Variants in DHX33 observed in about 807,000 individuals in gnomAD.
The protein encoded by DHX33 is DEAH-box helicase 33, also known as ATP-dependent RNA helicase DHX33.
A neutral mutation model predicts 72.5 loss-of-function variants in DHX33; 42 were observed. That is an observed-to-expected ratio of 0.58 (90% CI 0.45 to 0.75). The LOEUF (loss-of-function observed/expected upper bound fraction) is 0.75. DHX33 is among the 30% of genes least tolerant of loss of function. The pLI is 0.00. For missense variants in DHX33, 842 were observed against 917.5 expected, an observed-to-expected ratio of 0.92 and a Z score of 1.06; for synonymous variants, 358 against 366.1, an observed-to-expected ratio of 0.98 and a Z score of 0.25.
At chr17:5,460,840 T>C (rs1341196883) in intron 4 of DHX33, 99 bp downstream of exon 4, 30 of 1,393,090 alleles carry the variant, frequency 2.2e-5, no homozygotes, top group Non-Finnish European at 2.8e-5. Context: ...ACTCACAAAG[T>C]TGTTTTATTC....
At position 5,460,966 on chromosome 17, in the gene DHX33, C is replaced by T. The variant is rs34034188; in HGVS notation, c.822G>A (p.Ala274=). The change falls in exon 4 of 12, where the codon GCG becomes GCA. Residue 274 remains alanine, a synonymous_variant. Coordinates refer to ENST00000225296, the MANE Select transcript of DHX33 (RefSeq NM_020162.4). ...KQPQNDYLHA[A]LVSVFQIHQE... ...GGTGGATCTGGAAGACGGAGACAAG[C>T]GCGGCGTGCAGGTAATCATTCTGAG... 1.1e-3 allele frequency: 1,842 copies of T among 1,613,518 alleles called. 16 individuals carry two copies. The African/African-American group carries it at 0.022, about 19-fold the overall frequency.
In DHX33 at chr17:5,460,113, C is replaced by G. The variant is rs140681736; in HGVS notation, c.849+826G>C. On this transcript the variant is annotated intron_variant, in intron 4 of 11. Coordinates refer to ENST00000225296, the MANE Select transcript of DHX33 (RefSeq NM_020162.4). ...CACTGCAAGCTCTGCCACCTGGGTT[C>G]GCGCCATTCTCTTGCCTCAGTCTCC... Among the ~76,000 whole-genome samples the G allele has an allele frequency of 4.0e-5, 6 of 150,230 alleles. No individual in the cohort carries two copies. The Admixed American group carries it at 4.0e-4, about 10-fold the overall frequency.
At chr17:5,463,256 A>G (rs945385913) in intron 2 of DHX33, among the ~76,000 whole-genome samples, 1 of 152,168 alleles carries the variant, frequency 6.6e-6, no homozygotes, top group African/African-American at 2.4e-5. Flanking sequence ...AGAATGATAT[A>G]TAGATAAGAG....
At chr17:5,459,830 T>C (rs957559441) in intron 4 of DHX33, among the ~76,000 whole-genome samples, 2 of 151,998 alleles carry the variant, frequency 1.3e-5, no homozygotes, top group Admixed American at 6.5e-5. Flanking sequence ...ATTTTTTTTA[T>C]AGAGACAGGG....
At chr17:5,455,444 G>C (rs1347759766) in intron 5 of DHX33, among the ~76,000 whole-genome samples, 173 bp from the exon 6 acceptor site, 1 of 152,192 alleles carries the variant, frequency 6.6e-6, no homozygotes, top group Non-Finnish European at 1.5e-5. Flanking sequence ...GGCAGGGGAA[G>C]GGGACGCTGC....
At position 5,440,953 on chromosome 17, in the gene DHX33, G is replaced by A. The variant is rs1281702581; in HGVS notation, c.*3252C>T. Reference sequence around the variant, plus strand: ...TTTTTAATGGATTTGATCGTCGGGTGCAAATTTGAGCATTATTTACAAGAG... The same window carrying A: ...TTTTTAATGGATTTGATCGTCGGGTACAAATTTGAGCATTATTTACAAGAG... On this transcript the variant is annotated 3_prime_UTR_variant, in exon 12 of 12. Transcript: ENST00000225296. 6.6e-6 allele frequency: 1 copy of A among 152,148 alleles called. No homozygotes were observed. Among genetic ancestry groups the A allele is most frequent in the Non-Finnish European group, 1.5e-5 (1 of 68,030 alleles). 9.4% of individuals were successfully genotyped at this position (152,148 alleles called of 1,614,324 possible). A position where few individuals can be genotyped will look rare whatever the true frequency, so the allele number is the denominator to read the frequency against.
chr17:5,442,763 G>A lies in DHX33; in HGVS notation c.*1442C>T, dbSNP rs1343679728. Reference sequence around the variant, plus strand: ...ACAAAACACCCCACAGATGTATTTGGACCAAGTAAGCACAATAAAAGAGCT... The same window carrying A: ...ACAAAACACCCCACAGATGTATTTGAACCAAGTAAGCACAATAAAAGAGCT... On this transcript the variant is annotated 3_prime_UTR_variant, in exon 12 of 12. Transcript: ENST00000225296. 1 of 152,160 alleles carries A rather than the reference G, an allele frequency of 6.6e-6. No individual in the cohort carries two copies. Among genetic ancestry groups the A allele is most frequent in the African/African-American group, 2.4e-5 (1 of 41,432 alleles). The allele number at this position is 152,160 out of a possible 1,614,324, so 9.4% of individuals were successfully genotyped here.
rs1174424937 is a variant in DHX33 at position 5,461,127 on chromosome 17, G to C, written c.679-18C>G. 6 of 1,593,050 alleles carry C rather than the reference G, an allele frequency of 3.8e-6. No homozygotes were observed. The Admixed American group carries it at 1.0e-4, about 27-fold the overall frequency. On this transcript the variant is annotated intron_variant, in intron 3 of 11. Transcript: ENST00000225296. ...ACAATCACCTGCATAAGAGAACGAAGAGGAGGACCAGAAACAAATAGTGGG... is the reference window on the plus strand; with the variant it reads ...ACAATCACCTGCATAAGAGAACGAACAGGAGGACCAGAAACAAATAGTGGG...
chr17:5,453,477 TAAAC>T (rs1917043097), intron 8 of DHX33, 99 bp downstream of exon 8: 1 of 906,592 alleles, frequency 1.1e-6, no homozygotes, highest in Non-Finnish European at 1.8e-6. Flanking sequence ...CAAAATTAAA[TAAAC>T]AAAAGGAGAT....
chr17:5,450,375 G>A lies in DHX33; in HGVS notation c.1556C>T (p.Thr519Ile). ...GGAGACAATGGTCAGGATCTCCTCT[G>A]TACAGTGGAATTTGGGGGACATGAG... ...TILMSPKFHC[T>I]EEILTIVSLL... is the part of the protein sequence containing the mutation. Residue 519 changes from threonine to isoleucine, a missense_variant, in exon 10 of 12, where the codon ACA (threonine) becomes ATA (isoleucine). Thr to Ile is a moderately conservative substitution (Grantham distance 89, BLOSUM62 -1). Transcript: ENST00000225296. The A allele has an allele frequency of 6.2e-7, 1 of 1,614,160 alleles. No homozygotes were observed. The highest frequency in any genetic ancestry group is 8.5e-7 in the Non-Finnish European group (1 of 1,180,020).
At chr17:5,456,889 C>T (rs775466398) in intron 4 of DHX33, among the ~76,000 whole-genome samples, 7 of 152,204 alleles carry the variant, frequency 4.6e-5, no homozygotes, top group Admixed American at 4.6e-4. Flanking sequence ...AGCGCTTTCA[C>T]ACGCCCCAAA....
intron 4 of DHX33, 26 bp downstream of exon 4, chr17:5,460,913 T>C: frequency 6.3e-7 from 1 of 1,592,210 alleles, no homozygotes; most frequent in Non-Finnish European, 8.6e-7. Flanking sequence ...AGAGAACTTT[T>C]CAGGAATTTG....
intron 11 of DHX33, among the ~76,000 whole-genome samples, chr17:5,448,077 G>A (rs1916731699): frequency 6.6e-6 from 1 of 152,196 alleles, no homozygotes. Flanking sequence ...TACTCGGGAG[G>A]CTGAGGCAGG....
intron 10 of DHX33, among the ~76,000 whole-genome samples, chr17:5,449,966 TG>T (rs1226084894): frequency 6.6e-6 from 1 of 152,174 alleles, no homozygotes; most frequent in East Asian, 1.9e-4. Flanking sequence ...TAAGTTTTGA[TG>T]GGTTGGGAGT....
At position 5,459,700 on chromosome 17, in the gene DHX33, GA is replaced by G. The variant is rs1454771107; in HGVS notation, c.849+1238del. ...CCACCTCTGCTTCCCAAAGTGCTAG[GA>G]TTACAGGTGTGAGCTACTGTGCCCA... On this transcript the variant is annotated intron_variant, in intron 4 of 11. Transcript: ENST00000225296. Among the ~76,000 whole-genome samples the G allele has an allele frequency of 2.0e-5, 3 of 152,238 alleles. No individual in the cohort carries two copies. In the East Asian group the frequency reaches 5.8e-4, roughly 29 times the overall value.
intron 1 of DHX33, among the ~76,000 whole-genome samples, chr17:5,467,295 A>G (rs1317477969): frequency 6.6e-6 from 1 of 152,138 alleles, no homozygotes; most frequent in Non-Finnish European, 1.5e-5. Flanking sequence ...CTACCCAAAA[A>G]CATCTACAGA....
At chr17:5,461,675 G>C (rs1048615289) in intron 3 of DHX33, among the ~76,000 whole-genome samples, 1 of 150,960 alleles carries the variant, frequency 6.6e-6, no homozygotes, top group African/African-American at 2.4e-5. Context: ...AGCCTCCCTA[G>C]TAGCTGGAAC....
At chr17:5,454,323 G>A (rs1026041200) in intron 6 of DHX33, among the ~76,000 whole-genome samples, 5 of 152,200 alleles carry the variant, frequency 3.3e-5, no homozygotes, top group East Asian at 1.9e-4. Flanking sequence ...CTGGGATGTC[G>A]GATTTTGGGT....
intron 2 of DHX33, among the ~76,000 whole-genome samples, chr17:5,462,750 A>G (rs779268730): frequency 6.6e-6 from 1 of 152,172 alleles, no homozygotes; most frequent in Non-Finnish European, 1.5e-5. Context: ...ATTACAAGGA[A>G]TATTTAAAAT....
Sources: gnomAD v4.1 joint callset for allele counts (sites outside exome capture counted in the v4.1 genomes callset) on GRCh38, gnomAD v4.1.1 for gene constraint, MANE v1.5 for transcripts, NCBI Gene and HGNC (gene_info 2026-07-23, HGNC 2026-07-21) for gene names.